GALNT10: variants seen among roughly 807,000 people sequenced by gnomAD.
The protein encoded by GALNT10 is polypeptide N-acetylgalactosaminyltransferase 10.
GALNT10 carries 41 observed loss-of-function variants against 75.0 expected under a neutral mutation model. That is an observed-to-expected ratio of 0.55 (90% confidence interval 0.43 to 0.71). The LOEUF is 0.71. Among genes scored for constraint, GALNT10 ranks in the 30% least tolerant of loss-of-function variants. The pLI, the probability that GALNT10 is intolerant of heterozygous loss-of-function variation, is 0.00. For missense variants in GALNT10, 727 were observed against 818.5 expected, an observed-to-expected ratio of 0.89 and a Z score of 1.36; for synonymous variants, 302 against 313.0, an observed-to-expected ratio of 0.96 and a Z score of 0.37.
In GALNT10 at chr5:154,416,060, T is replaced by C; in HGVS notation, c.1653+128T>C. 1.2e-6 allele frequency: 1 copy of C among 830,450 alleles called. No individual in the cohort carries two copies. The highest frequency in any genetic ancestry group is 1.8e-5 in the South Asian group (1 of 55,618). 51.4% of individuals were successfully genotyped at this position (830,450 alleles called of 1,614,324 possible). A position where few individuals can be genotyped will look rare whatever the true frequency, so the allele number is the denominator to read the frequency against. On this transcript the variant is annotated intron_variant, in intron 11 of 11. Transcript: ENST00000297107. The surrounding 1 kb of genome is among the most constrained non-coding windows in gnomAD (Gnocchi z 4.5). ...TGTGCCACAAACCTACCATGCCGGA[T>C]TTTGTAGTCATTCAAGAGTAGTCAG...
intron 7 of GALNT10, among the ~76,000 whole-genome samples, chr5:154,393,426 C>T (rs1296098863): frequency 6.6e-6 from 1 of 152,124 alleles, no homozygotes. Flanking sequence ...CCCTAGTGGC[C>T]TTTGGGGGTG....
chr5:154,247,129 G>A (rs981850287), intron 1 of GALNT10, among the ~76,000 whole-genome samples: 1 of 152,102 alleles, frequency 6.6e-6, no homozygotes, highest in African/African-American at 2.4e-5. Flanking sequence ...TAGATATGTG[G>A]CATTATTTCT....
intron 4 of GALNT10, among the ~76,000 whole-genome samples, chr5:154,331,539 T>C (rs530282026): frequency 5.9e-5 from 9 of 152,300 alleles, no homozygotes; most frequent in African/African-American, 2.2e-4. Context: ...GCTGTGACTG[T>C]CAAATTAGTT....
intron 3 of GALNT10, among the ~76,000 whole-genome samples, chr5:154,299,751 G>A (rs1228314868): frequency 1.3e-5 from 2 of 152,150 alleles, no homozygotes; most frequent in African/African-American, 2.4e-5. Context: ...GCCTGACAGC[G>A]AGGGAACAGA....
intron 7 of GALNT10, among the ~76,000 whole-genome samples, chr5:154,399,653 C>G (rs1286799109): frequency 6.6e-6 from 1 of 152,228 alleles, no homozygotes; most frequent in Non-Finnish European, 1.5e-5. Context: ...ATCTTTCTCT[C>G]TAGTCAAGTC....
At chr5:154,245,960 C>T (rs2113671029) in intron 1 of GALNT10, among the ~76,000 whole-genome samples, 1 of 151,138 alleles carries the variant, frequency 6.6e-6, no homozygotes, top group Non-Finnish European at 1.5e-5. Context: ...CCTCCCCACT[C>T]CCCCCACCCC....
At chr5:154,272,908 A>G (rs1348549865) in intron 1 of GALNT10, among the ~76,000 whole-genome samples, 1 of 148,794 alleles carries the variant, frequency 6.7e-6, no homozygotes. Context: ...GGGCCAGATC[A>G]TAGCTTACTG....
In GALNT10 at chr5:154,352,278, A is replaced by G. The variant is rs1755216237; in HGVS notation, c.568+22540A>G. 6.6e-6 allele frequency among the ~76,000 whole-genome samples: 1 copy of G among 152,110 alleles called. No individual in the cohort carries two copies. The highest frequency in any genetic ancestry group is 1.5e-5 in the Non-Finnish European group (1 of 68,020). ...GGCTCCAGCTACTCTTCCACACCCC[A>G]AACTCAACACGGCCCACTGGTGGGA... On this transcript the variant is annotated intron_variant, in intron 4 of 11. Coordinates refer to ENST00000297107, the MANE Select transcript of GALNT10 (RefSeq NM_198321.4). The surrounding 1 kb of genome is among the most constrained non-coding windows in gnomAD (Gnocchi z 4.4).
intron 1 of GALNT10, among the ~76,000 whole-genome samples, chr5:154,247,212 G>A (rs1753441077): frequency 6.6e-6 from 1 of 152,152 alleles, no homozygotes; most frequent in African/African-American, 2.4e-5. Flanking sequence ...GGTTACTGTA[G>A]CCTTGTAGTA....
rs536867585 is a variant in GALNT10 at position 154,337,368 on chromosome 5, A to C, written c.568+7630A>C. The C allele has an allele frequency of 1.7e-5, 9 of 542,902 alleles. No homozygotes were observed. The East Asian group carries it at 3.6e-4, about 22-fold the overall frequency. 33.6% of individuals were successfully genotyped at this position (542,902 alleles called of 1,614,324 possible). A position where few individuals can be genotyped will look rare whatever the true frequency, so the allele number is the denominator to read the frequency against. On this transcript the variant is annotated intron_variant, in intron 4 of 11. Coordinates refer to ENST00000297107, the MANE Select transcript of GALNT10 (RefSeq NM_198321.4). ...TTTGTAGCAGCTGGGCTCTGCCACC[A>C]TTGTGCTTGGCTGAGTTCACAAATC...
At chr5:154,303,389 G>A (rs1408792425) in intron 3 of GALNT10, among the ~76,000 whole-genome samples, 1 of 151,852 alleles carries the variant, frequency 6.6e-6, no homozygotes, top group Non-Finnish European at 1.5e-5. Context: ...AGACAGGAGA[G>A]CTGTGCAAAG....
intron 1 of GALNT10, among the ~76,000 whole-genome samples, chr5:154,225,491 A>G (rs1753048471): frequency 6.6e-6 from 1 of 151,674 alleles, no homozygotes; most frequent in South Asian, 2.1e-4. Flanking sequence ...CCTGGGCTCA[A>G]GTAGTCCTCC....
chr5:154,407,864 G>A (rs1430503054), intron 8 of GALNT10, among the ~76,000 whole-genome samples: 3 of 152,160 alleles, frequency 2.0e-5, no homozygotes, highest in East Asian at 3.9e-4. Context: ...AAATTCAGCT[G>A]TTTCCTGGTC....
chr5:154,221,482 C>T (rs1752977267), intron 1 of GALNT10, among the ~76,000 whole-genome samples: 2 of 152,220 alleles, frequency 1.3e-5, no homozygotes. Flanking sequence ...TGGAGCCATT[C>T]TAAAACTCAG....
intron 2 of GALNT10, among the ~76,000 whole-genome samples, chr5:154,296,920 T>C (rs1251068417): frequency 6.6e-6 from 1 of 152,146 alleles, no homozygotes; most frequent in African/African-American, 2.4e-5. Flanking sequence ...TGGATTGGAG[T>C]AGTCAGAGCC....
intron 1 of GALNT10, among the ~76,000 whole-genome samples, chr5:154,217,577 C>T (rs893119872): frequency 1.3e-5 from 2 of 152,172 alleles, no homozygotes; most frequent in Non-Finnish European, 2.9e-5. Flanking sequence ...GGAGAGAGTT[C>T]CAGCTTGCCT....
chr5:154,327,944 T>G (rs1371467200), intron 3 of GALNT10, among the ~76,000 whole-genome samples: 1 of 152,126 alleles, frequency 6.6e-6, no homozygotes, highest in Non-Finnish European at 1.5e-5. Context: ...TAGATCTAAC[T>G]ACCAGTTTAC....
intron 1 of GALNT10, among the ~76,000 whole-genome samples, chr5:154,221,170 G>A (rs527724601): frequency 1.2e-4 from 18 of 152,260 alleles, no homozygotes; most frequent in African/African-American, 2.9e-4. Context: ...CTAGATAGAC[G>A]CACTCTTATA....
At chr5:154,327,087 C>T (rs1040375392) in intron 3 of GALNT10, among the ~76,000 whole-genome samples, 4 of 151,976 alleles carry the variant, frequency 2.6e-5, no homozygotes, top group Non-Finnish European at 4.4e-5. Flanking sequence ...CAGAGGGTGG[C>T]GTGCACCTGT....
Sources: gnomAD v4.1 joint callset for allele counts (sites outside exome capture counted in the v4.1 genomes callset) on GRCh38, gnomAD v4.1.1 for gene constraint, Gnocchi (gnomAD v3.1) non-coding constraint, MANE v1.5 for transcripts, NCBI Gene and HGNC (gene_info 2026-07-23, HGNC 2026-07-21) for gene names.